The following HIBADH variants were observed in gnomAD, a reference collection of about 807,000 sequenced individuals.
HIBADH encodes 3-hydroxyisobutyrate dehydrogenase.
Under a neutral mutation model 36.1 loss-of-function variants are expected in HIBADH, and 25 were observed. That is an observed-to-expected ratio of 0.69 (90% CI 0.50 to 0.97). The LOEUF (loss-of-function observed/expected upper bound fraction) is 0.97. Ranked by LOEUF, HIBADH falls within the 50% of genes least tolerant of loss-of-function variation. HIBADH has a pLI of 0.00. For missense variants in HIBADH, 421 were observed against 418.0 expected (o/e 1.01, Z -0.06); for synonymous variants, 160 against 149.5 (o/e 1.07, Z -0.51).
At chr7:27,623,053 G>T (rs1005962765) in intron 4 of HIBADH, among the ~76,000 whole-genome samples, 4 of 152,058 alleles carry the variant, frequency 2.6e-5, no homozygotes, top group African/African-American at 9.7e-5. Flanking sequence ...ATATCAAAAA[G>T]ATAATACAAC....
chr7:27,655,880 T>C (rs752980572), intron 1 of HIBADH, among the ~76,000 whole-genome samples: 1 of 152,176 alleles, frequency 6.6e-6, no homozygotes, highest in African/African-American at 2.4e-5. Context: ...TGGTAAGAAA[T>C]AACTGATGAA....
At chr7:27,644,251 G>C (rs1562656678) in intron 2 of HIBADH, among the ~76,000 whole-genome samples, 2 of 151,958 alleles carry the variant, frequency 1.3e-5, no homozygotes, top group South Asian at 4.2e-4. Flanking sequence ...AGATCACGAG[G>C]TCAAGAGATC....
intron 4 of HIBADH, among the ~76,000 whole-genome samples, chr7:27,613,505 T>C (rs917469549): frequency 6.6e-6 from 1 of 151,854 alleles, no homozygotes; most frequent in South Asian, 2.1e-4. Flanking sequence ...ATTCCACTGG[T>C]TCCCCCCAGG....
chr7:27,603,583 C>T (rs1163309781), intron 4 of HIBADH, among the ~76,000 whole-genome samples: 3 of 151,818 alleles, frequency 2.0e-5, no homozygotes, highest in Non-Finnish European at 2.9e-5. Flanking sequence ...AGCCAAAATG[C>T]CAGCTTTTCT....
chr7:27,575,662 T>C (rs1406915170), intron 4 of HIBADH, among the ~76,000 whole-genome samples: 1 of 152,194 alleles, frequency 6.6e-6, no homozygotes, highest in African/African-American at 2.4e-5. Context: ...AGCAATGGTG[T>C]GATGTGCCTG....
chr7:27,601,268 G>C (rs1391438213), intron 4 of HIBADH, among the ~76,000 whole-genome samples: 1 of 151,988 alleles, frequency 6.6e-6, no homozygotes. Context: ...GATTTCTTTT[G>C]ATGAAACTAC....
intron 4 of HIBADH, among the ~76,000 whole-genome samples, chr7:27,557,536 C>T (rs1784410512): frequency 6.6e-6 from 1 of 152,130 alleles, no homozygotes; most frequent in Admixed American, 6.5e-5. Flanking sequence ...GTTTTGGAGG[C>T]TGGGAAGTCC....
intron 4 of HIBADH, among the ~76,000 whole-genome samples, chr7:27,572,229 G>A (rs1049857663): frequency 2.0e-5 from 3 of 152,076 alleles, no homozygotes; most frequent in Non-Finnish European, 2.9e-5. Context: ...ATTACTACTC[G>A]ATTATTTGGT....
In HIBADH at chr7:27,572,978, A is replaced by C. The variant is rs1209020837; in HGVS notation, c.485-29878T>G. 3.9e-5 allele frequency among the ~76,000 whole-genome samples: 6 copies of C among 152,226 alleles called. No individual in the cohort carries two copies. The East Asian group carries it at 1.2e-3, about 29-fold the overall frequency. On this transcript the variant is annotated intron_variant, in intron 4 of 7. Coordinates refer to ENST00000265395, the MANE Select transcript of HIBADH (RefSeq NM_152740.4). ...ACAACAGAAGAGTAAAAGAAGCTTCACTAAAAAGATCAGATCAATATGGGC... is the reference window on the plus strand; with the variant it reads ...ACAACAGAAGAGTAAAAGAAGCTTCCCTAAAAAGATCAGATCAATATGGGC...
intron 4 of HIBADH, among the ~76,000 whole-genome samples, chr7:27,574,741 CTTCCACATCTCTTAT>C (rs1387648287): frequency 6.6e-6 from 1 of 152,190 alleles, no homozygotes; most frequent in African/African-American, 2.4e-5. Flanking sequence ...ATCCATGTAT[CTTCCACATCTCTTAT>C]TTTTACCAAA....
chr7:27,548,434 G>A (rs931917213), intron 4 of HIBADH, among the ~76,000 whole-genome samples: 1 of 151,954 alleles, frequency 6.6e-6, no homozygotes. Flanking sequence ...AAGGGATAAG[G>A]AAAATACATA....
chr7:27,582,925 T>G (rs1415978167), intron 4 of HIBADH, among the ~76,000 whole-genome samples: 1 of 152,040 alleles, frequency 6.6e-6, no homozygotes, highest in Non-Finnish European at 1.5e-5. Context: ...ATAACAACAG[T>G]ACTGACCTCA....
intron 1 of HIBADH, among the ~76,000 whole-genome samples, chr7:27,658,889 G>T (rs1422569786): frequency 6.6e-6 from 1 of 152,026 alleles, no homozygotes; most frequent in Non-Finnish European, 1.5e-5. Context: ...CTCTATAAAG[G>T]CCTTTACGGT....
chr7:27,556,434 T>G (rs1265213366), intron 4 of HIBADH, among the ~76,000 whole-genome samples: 1 of 124,322 alleles, frequency 8.0e-6, no homozygotes, highest in Non-Finnish European at 1.7e-5. Flanking sequence ...TGTTTTCAAT[T>G]CTTGGATCTG....
At chr7:27,585,929 G>T (rs1784855241) in intron 4 of HIBADH, among the ~76,000 whole-genome samples, 1 of 152,038 alleles carries the variant, frequency 6.6e-6, no homozygotes, top group Non-Finnish European at 1.5e-5. Context: ...TTAACAGCAG[G>T]CAGAAAGCTG....
intron 4 of HIBADH, among the ~76,000 whole-genome samples, chr7:27,589,677 G>C (rs1784912636): frequency 6.6e-6 from 1 of 152,178 alleles, no homozygotes; most frequent in African/African-American, 2.4e-5. Flanking sequence ...AAGGAAAACT[G>C]AAATCAAGTA....
chr7:27,532,341 C>T (rs1223940007), intron 6 of HIBADH, among the ~76,000 whole-genome samples: 2 of 152,070 alleles, frequency 1.3e-5, no homozygotes, highest in Non-Finnish European at 2.9e-5. Flanking sequence ...TTCTTAAAAC[C>T]AACCTCTTCC....
chr7:27,529,390 G>C (rs953435977), intron 7 of HIBADH, among the ~76,000 whole-genome samples: 1 of 152,154 alleles, frequency 6.6e-6, no homozygotes, highest in Admixed American at 6.6e-5. Flanking sequence ...ATGCCATTAA[G>C]AATATTTGTG....
At chr7:27,647,204 G>A (rs1786089338) in intron 2 of HIBADH, among the ~76,000 whole-genome samples, 1 of 152,184 alleles carries the variant, frequency 6.6e-6, no homozygotes, top group African/African-American at 2.4e-5. Context: ...CGGCTAGTAA[G>A]TGACTAATGG....
Sources: gnomAD v4.1 joint callset for allele counts (sites outside exome capture counted in the v4.1 genomes callset) on GRCh38, gnomAD v4.1.1 for gene constraint, MANE v1.5 for transcripts, NCBI Gene and HGNC (gene_info 2026-07-23, HGNC 2026-07-21) for gene names.